MED21: variants seen among roughly 807,000 people sequenced by gnomAD.
MED21 encodes the protein mediator complex subunit 21.
MED21 carries 9 observed loss-of-function variants against 18.2 expected under a neutral mutation model. The ratio of observed to expected loss-of-function variants is 0.49; its 90% CI spans 0.30 to 0.86. The LOEUF (loss-of-function observed/expected upper bound fraction) is 0.86, where lower values mean the gene tolerates loss of function less well. MED21 is among the 40% of genes least tolerant of loss of function. The pLI is 0.07. For synonymous variants in MED21, 73 were observed against 60.5 expected, an observed-to-expected ratio of 1.21 and a Z score of -0.96; for missense variants, 150 against 170.9, an observed-to-expected ratio of 0.88 and a Z score of 0.68.
intron 1 of MED21, among the ~76,000 whole-genome samples, chr12:27,023,581 G>A (rs1342825687): frequency 6.6e-6 from 1 of 152,068 alleles, no homozygotes; most frequent in African/African-American, 2.4e-5. Context: ...ACAGGTGTGA[G>A]CCACCGTGCC....
At chr12:27,034,785 T>C, downstream of MED21, among the ~76,000 whole-genome samples, 1 of 152,092 alleles carries the variant, frequency 6.6e-6, no homozygotes, top group East Asian at 1.9e-4. Flanking sequence ...AGTTTCGCGC[T>C]TGTCGCCCGG....
intron 2 of MED21, chr12:27,038,268 G>A (rs1048598952): frequency 2.6e-5 from 4 of 151,222 alleles, no homozygotes; most frequent in Admixed American, 6.6e-5. Context: ...AGAAAAACAC[G>A]TTGTTTTTTT....
In MED21 at chr12:27,029,477, T is replaced by C. The variant is rs1592336511; in HGVS notation, c.*1016T>C. 2.0e-6 allele frequency: 2 copies of C among 985,464 alleles called. No homozygotes were observed. The highest frequency in any genetic ancestry group is 3.5e-5 in the African/African-American group (2 of 57,368). 61.0% of individuals were successfully genotyped at this position (985,464 alleles called of 1,614,324 possible). A position where few individuals can be genotyped will look rare whatever the true frequency, so the allele number is the denominator to read the frequency against. ...ATTTTAACTAGCTATTTCCTGGGGC[T>C]GTATTTTTCAGAATATGCTGAGCTA... On this transcript the variant is annotated 3_prime_UTR_variant, in exon 4 of 4. Coordinates refer to ENST00000282892, the MANE Select transcript of MED21 (RefSeq NM_004264.5).
chr12:27,032,524 A>G (rs1290560354), downstream of MED21, among the ~76,000 whole-genome samples: 2 of 152,178 alleles, frequency 1.3e-5, no homozygotes, highest in Non-Finnish European at 2.9e-5. Flanking sequence ...ACACTCCCCA[A>G]CTTGTCTCCC....
rs934634767 is a variant in MED21, at chr12:27,027,381, A to G, written c.192A>G (p.Arg64=). Residue 64 remains arginine, a synonymous_variant, in exon 3 of 4, where the codon CGA becomes CGG. Coordinates refer to ENST00000282892, the MANE Select transcript of MED21 (RefSeq NM_004264.5). ...YAQLFAALIA[R]TAKDIDVLID... ...AGCTTTTTGCAGCACTGATTGCACG[A>G]ACAGCAAAAGACATTGATGTTTTGA... The G allele has an allele frequency of 1.9e-6, 3 of 1,613,924 alleles. No homozygotes were observed. The highest frequency in any genetic ancestry group is 2.5e-6 in the Non-Finnish European group (3 of 1,179,924).
At chr12:27,036,322 T>G (rs1421895943) in intron 2 of MED21, among the ~76,000 whole-genome samples, 1 of 152,230 alleles carries the variant, frequency 6.6e-6, no homozygotes, top group East Asian at 1.9e-4. Flanking sequence ...GAGTTCACTG[T>G]AGATTCTGGA....
In MED21 at chr12:27,028,853, G is replaced by A. The variant is rs1352890559; in HGVS notation, c.*392G>A. 1 of 988,866 alleles carries A rather than the reference G, an allele frequency of 1.0e-6. No individual in the cohort carries two copies. The highest frequency in any genetic ancestry group is 1.2e-6 in the Non-Finnish European group (1 of 832,062). The allele number at this position is 988,866 out of a possible 1,614,324, so 61.3% of individuals were successfully genotyped here. A position where few individuals can be genotyped will look rare whatever the true frequency, so the allele number is the denominator to read the frequency against. ...GAAGACAGTAAGAACAGACATAAGG[G>A]ACATTTTAGTTTGGGCTAGTGTCCT... On this transcript the variant is annotated 3_prime_UTR_variant, in exon 4 of 4. Coordinates refer to ENST00000282892, the MANE Select transcript of MED21 (RefSeq NM_004264.5).
chr12:27,028,537 A>G lies in MED21; in HGVS notation c.*76A>G, dbSNP rs1941575008. 1 of 1,506,864 alleles carries G rather than the reference A, an allele frequency of 6.6e-7. No individual in the cohort carries two copies. 93.3% of individuals were successfully genotyped at this position (1,506,864 alleles called of 1,614,324 possible). On this transcript the variant is annotated 3_prime_UTR_variant, in exon 4 of 4. Coordinates refer to ENST00000282892, the MANE Select transcript of MED21 (RefSeq NM_004264.5). The stretch of plus-strand genomic sequence containing the variant: ...GAATTCTGCATCAGACTTAGATACA[A>G]GCCTTACCAACAATTACAGAAACAT...
chr12:27,033,529 C>T (rs1340204726), downstream of MED21, among the ~76,000 whole-genome samples: 1 of 152,132 alleles, frequency 6.6e-6, no homozygotes, highest in Non-Finnish European at 1.5e-5. Flanking sequence ...TCATTCTATA[C>T]CTAGTCTGGA....
downstream of MED21, among the ~76,000 whole-genome samples, chr12:27,031,015 C>G (rs1941614132): frequency 6.6e-6 from 1 of 152,256 alleles, no homozygotes; most frequent in African/African-American, 2.4e-5. Flanking sequence ...TTAAGTGATT[C>G]TCCTGCCTCA....
downstream of MED21, among the ~76,000 whole-genome samples, chr12:27,034,028 A>G (rs993604612): frequency 6.6e-6 from 1 of 152,218 alleles, no homozygotes; most frequent in Non-Finnish European, 1.5e-5. Context: ...CAAAAAGAGT[A>G]TGGCTGAAAA....
chr12:27,038,202 A>G (rs942156649), intron 2 of MED21: 2 of 152,200 alleles, frequency 1.3e-5, no homozygotes, highest in South Asian at 2.1e-4. Context: ...AATCAAGAAG[A>G]TTCCATGGAT....
In MED21 at chr12:27,028,412, A is replaced by C. The variant is rs780974031; in HGVS notation, c.386A>C (p.Gln129Pro). 38 of 1,614,066 alleles carry C rather than the reference A, an allele frequency of 2.4e-5. No individual in the cohort carries two copies. Among genetic ancestry groups the C allele is most frequent in the Non-Finnish European group, 3.1e-5 (36 of 1,180,004 alleles). ...GCACTTGCTGATATTGCACAGTCACAGCTGAAGACAAGAAGTGGTACCCAT... is the reference window on the plus strand; with the variant it reads ...GCACTTGCTGATATTGCACAGTCACCGCTGAAGACAAGAAGTGGTACCCAT... Reference protein sequence around the residue: ...QSALADIAQSQLKTRSGTHSQ... With the variant: ...QSALADIAQSPLKTRSGTHSQ... The change falls in exon 4 of 4, where the codon CAG becomes CCG. Residue 129 changes from glutamine (Q) to proline (P), a missense_variant. Transcript: ENST00000282892.
downstream of MED21, among the ~76,000 whole-genome samples, chr12:27,032,584 A>G (rs1196808308): frequency 6.6e-6 from 1 of 152,136 alleles, no homozygotes; most frequent in Non-Finnish European, 1.5e-5. Context: ...ATTAACCTTT[A>G]CTTGAGCCCT....
chr12:27,029,677 G>T lies in MED21; in HGVS notation c.*1216G>T, dbSNP rs1241298587. 3.0e-6 allele frequency: 3 copies of T among 985,188 alleles called. No individual in the cohort carries two copies. The highest frequency in any genetic ancestry group is 3.6e-6 in the Non-Finnish European group (3 of 829,892). 61.0% of individuals were successfully genotyped at this position (985,188 alleles called of 1,614,324 possible). On this transcript the variant is annotated 3_prime_UTR_variant, in exon 4 of 4. Coordinates refer to ENST00000282892, the MANE Select transcript of MED21 (RefSeq NM_004264.5). ...GCTGTAAAAGTTGCAGCAATTTATT[G>T]GCTAGTCATAGAAAATTTTTGAACT... is the stretch of plus-strand genomic sequence containing the variant.
chr12:27,029,879 T>C lies in MED21; in HGVS notation c.*1418T>C. On this transcript the variant is annotated 3_prime_UTR_variant, in exon 4 of 4. Coordinates refer to ENST00000282892, the MANE Select transcript of MED21 (RefSeq NM_004264.5). ...GTACAAAGAGAAAAGGTCAAGACAT[T>C]TTTCAAATGAGGGAAAACTAACAGG... The C allele has an allele frequency of 1.0e-6, 1 of 953,004 alleles. No homozygotes were observed. Among genetic ancestry groups the C allele is most frequent in the Non-Finnish European group, 1.3e-6 (1 of 779,248 alleles). The allele number at this position is 953,004 out of a possible 1,614,324, so 59.0% of individuals were successfully genotyped here. A position where few individuals can be genotyped will look rare whatever the true frequency, so the allele number is the denominator to read the frequency against.
chr12:27,031,187 A>G (rs540342940), downstream of MED21, among the ~76,000 whole-genome samples: 1 of 152,202 alleles, frequency 6.6e-6, no homozygotes, highest in Non-Finnish European at 1.5e-5. Flanking sequence ...GATTACAGGC[A>G]TGAGCCACTG....
At chr12:27,024,293 G>GT (rs142775396) in intron 1 of MED21, among the ~76,000 whole-genome samples, 47,909 of 150,364 alleles carry the variant, frequency 0.32, 9,518 homozygotes, top group Non-Finnish European at 0.47. Flanking sequence ...TTCCTTGCCA[G>GT]TTTTTTTTTT....
At chr12:27,034,722 T>C (rs1001649555), downstream of MED21, among the ~76,000 whole-genome samples, 16 of 152,178 alleles carry the variant, frequency 1.1e-4, no homozygotes, top group South Asian at 2.1e-4. Flanking sequence ...ATTACATGCA[T>C]GAGCCACCAC....
Sources: allele counts gnomAD v4.1 joint callset (sites outside exome capture counted in the v4.1 genomes callset), GRCh38; gene constraint gnomAD v4.1.1; transcripts MANE v1.5; gene names NCBI Gene and HGNC (gene_info 2026-07-23, HGNC 2026-07-21).